LHX5: variants seen among roughly 807,000 people sequenced by gnomAD.
LHX5 encodes LIM homeobox 5.
In LHX5, 5 loss-of-function variants were observed where a neutral mutation model predicts 30.6. The ratio of observed to expected loss-of-function variants is 0.16; its 90% CI spans 0.09 to 0.34. The LOEUF (loss-of-function observed/expected upper bound fraction) is 0.34, where lower values mean the gene tolerates loss of function less well. Among genes scored for constraint, LHX5 ranks in the 10% least tolerant of loss-of-function variants. The probability of loss-of-function intolerance (pLI) is 1.00; values close to 1 mark genes in which losing one functional copy is unlikely to be tolerated. For missense variants in LHX5, 458 were observed against 570.6 expected, an observed-to-expected ratio of 0.80 and a Z score of 2.01; for synonymous variants, 266 against 252.6, an observed-to-expected ratio of 1.05 and a Z score of -0.50.
Position 113,471,548 on chromosome 12 carries a change from TGGCCCTCGGGCCTGCCG to T in LHX5, c.-67_-51del. 6.6e-7 allele frequency: 1 copy of T among 1,516,140 alleles called. No individual in the cohort carries two copies. Among genetic ancestry groups the T allele is most frequent in the East Asian group, 2.4e-5 (1 of 40,946 alleles). The allele number at this position is 1,516,140 out of a possible 1,614,324, so 93.9% of individuals were successfully genotyped here. A position where few individuals can be genotyped will look rare whatever the true frequency, so the allele number is the denominator to read the frequency against. ...CCGCCTTGCCCTCCCTTTGGGCCCC[TGGCCCTCGGGCCTGCCG>T]GGCCCTCCGCTGCCCTTCGCCTCTT... On this transcript the variant is annotated 5_prime_UTR_variant, in exon 1 of 5. Coordinates refer to ENST00000261731, the MANE Select transcript of LHX5 (RefSeq NM_022363.3).
Position 113,463,411 on chromosome 12 carries a change from G to T in LHX5, c.988C>A (p.Leu330Ile). Reference sequence around the variant, plus strand: ...TTGTCCGCGGCGTGCGGGCCGGCGAGCGGCGGTTCCAGCGCTCCCAGCGGC... The same window carrying T: ...TTGTCCGCGGCGTGCGGGCCGGCGATCGGCGGTTCCAGCGCTCCCAGCGGC... ...STPLGALEPP[L>I]AGPHAADNPR... The change falls in exon 5 of 5, where the codon CTC becomes ATC. Residue 330 changes from leucine to isoleucine, a missense_variant. Physicochemically the swap from Leu to Ile is conservative, Grantham distance 5. This residue lies in a region of LHX5 where 255 missense variants were observed against 246.8 expected (regional missense o/e 1.03). Coordinates refer to ENST00000261731, the MANE Select transcript of LHX5 (RefSeq NM_022363.3). This position sits in a 1 kb window ranked among gnomAD's most constrained non-coding sequence, Gnocchi z 6.7. The T allele has an allele frequency of 6.4e-7, 1 of 1,553,964 alleles. No homozygotes were observed. Among genetic ancestry groups the T allele is most frequent in the South Asian group, 1.2e-5 (1 of 84,936 alleles).
In LHX5 at chr12:113,464,944, C is replaced by T. The variant is rs1958203497; in HGVS notation, c.842-1387G>A. 1.3e-5 allele frequency among the ~76,000 whole-genome samples: 2 copies of T among 152,158 alleles called. No homozygotes were observed. On this transcript the variant is annotated intron_variant, in intron 4 of 4. Coordinates refer to ENST00000261731, the MANE Select transcript of LHX5 (RefSeq NM_022363.3). The surrounding 1 kb of genome is among the most constrained non-coding windows in gnomAD (Gnocchi z 6.2). ...ACCAGGTGGGGCCCTGAAGGACTGA[C>T]GTGGGGGACGTCACGAAAGGACCAC...
Position 113,469,122 on chromosome 12 carries a change from C to A in LHX5, c.397G>T (p.Val133Leu), listed in dbSNP as rs753619070. The change falls in exon 2 of 5, where the codon GTG becomes TTG. Residue 133 changes from valine to leucine, a missense_variant and splice_region_variant. Physicochemically the swap from Val to Leu is conservative, Grantham distance 32 (BLOSUM62 1). Transcript: ENST00000261731. ...SSLKEGSLNS[V>L]SSCTDRSLSP... ...CTAGTGAGGGGCCCAGGCTTCCTAC[C>A]TGAGTTGAGGCTGCCCTCCTTGAGG... 2 of 1,611,058 alleles carry A rather than the reference C, an allele frequency of 1.2e-6. No individual in the cohort carries two copies. Among genetic ancestry groups the A allele is most frequent in the Non-Finnish European group, 1.7e-6 (2 of 1,178,484 alleles).
chr12:113,463,794 T>C lies in LHX5; in HGVS notation c.842-237A>G, dbSNP rs546350312. Among the ~76,000 whole-genome samples the C allele has an allele frequency of 2.6e-5, 4 of 152,142 alleles. No homozygotes were observed. Among genetic ancestry groups the C allele is most frequent in the African/African-American group, 9.6e-5 (4 of 41,496 alleles). ...TCTCGAAAGGGCAAGAGACTCAGAC[T>C]GCCAGAGACCACACACAGAGACGGG... On this transcript the variant is annotated intron_variant, in intron 4 of 4. Transcript: ENST00000261731. The surrounding 1 kb of genome is among the most constrained non-coding windows in gnomAD (Gnocchi z 6.7).
At position 113,463,149 on chromosome 12, in the gene LHX5, G is replaced by C. The variant is rs1221644204; in HGVS notation, c.*41C>G. Reference sequence around the variant, plus strand: ...TGGTTTCAGGAGGCTGCTTCGGGGCGGGGCCCCCGGGGGCCGAGCGCGGGG... The same window carrying C: ...TGGTTTCAGGAGGCTGCTTCGGGGCCGGGCCCCCGGGGGCCGAGCGCGGGG... On this transcript the variant is annotated 3_prime_UTR_variant, in exon 5 of 5. Coordinates refer to ENST00000261731, the MANE Select transcript of LHX5 (RefSeq NM_022363.3). This position sits in a 1 kb window ranked among gnomAD's most constrained non-coding sequence, Gnocchi z 6.7. 2.1e-6 allele frequency: 3 copies of C among 1,445,486 alleles called. No individual in the cohort carries two copies. The highest frequency in any genetic ancestry group is 2.7e-6 in the Non-Finnish European group (3 of 1,107,134). The allele number at this position is 1,445,486 out of a possible 1,614,324, so 89.5% of individuals were successfully genotyped here.
At chr12:113,470,043 G>A (rs1293300073) in intron 1 of LHX5, among the ~76,000 whole-genome samples, 2 of 152,258 alleles carry the variant, frequency 1.3e-5, no homozygotes, top group Non-Finnish European at 2.9e-5. Flanking sequence ...GCAGGCAGCA[G>A]GGGAATGTGA....
rs1313530494 is a variant in LHX5, at chr12:113,467,197, C to A, written c.841+59G>T. 2.9e-6 allele frequency: 4 copies of A among 1,377,402 alleles called. No individual in the cohort carries two copies. Among genetic ancestry groups the A allele is most frequent in the East Asian group, 5.5e-5 (2 of 36,412 alleles). 85.3% of individuals were successfully genotyped at this position (1,377,402 alleles called of 1,614,324 possible). A position where few individuals can be genotyped will look rare whatever the true frequency, so the allele number is the denominator to read the frequency against. On this transcript the variant is annotated intron_variant, in intron 4 of 4. Transcript: ENST00000261731. This position sits in a 1 kb window ranked among gnomAD's most constrained non-coding sequence, Gnocchi z 6.3. ...GGAAAGCGTGCTGGCCGGGACCCTT[C>A]GCCCTCAGCTCCCGGAATAGGACAG...
rs1293034417 is a variant in LHX5, at chr12:113,467,226, C to A, written c.841+30G>T. The A allele has an allele frequency of 7.1e-7, 1 of 1,411,280 alleles. No homozygotes were observed. The highest frequency in any genetic ancestry group is 9.3e-7 in the Non-Finnish European group (1 of 1,071,016). The allele number at this position is 1,411,280 out of a possible 1,614,324, so 87.4% of individuals were successfully genotyped here. A position where few individuals can be genotyped will look rare whatever the true frequency, so the allele number is the denominator to read the frequency against. Reference sequence around the variant, plus strand: ...CTCAGCTCCCGGAATAGGACAGGTGCGGAACAGCGAATCCCGGGGCGCCCC... The same window carrying A: ...CTCAGCTCCCGGAATAGGACAGGTGAGGAACAGCGAATCCCGGGGCGCCCC... On this transcript the variant is annotated intron_variant, in intron 4 of 4. Transcript: ENST00000261731. The surrounding 1 kb of genome is among the most constrained non-coding windows in gnomAD (Gnocchi z 6.3).
At position 113,463,568 on chromosome 12, in the gene LHX5, G is replaced by C; in HGVS notation, c.842-11C>G. 2 of 1,510,102 alleles carry C rather than the reference G, an allele frequency of 1.3e-6. No homozygotes were observed. The highest frequency in any genetic ancestry group is 1.7e-4 in the Middle Eastern group (1 of 5,722). 93.5% of individuals were successfully genotyped at this position (1,510,102 alleles called of 1,614,324 possible). ...AGTCGCCTTGGTAGTCTGCGGAGGG[G>C]GAGCGGGAAGGAGACAGGGCGCGGT... On this transcript the variant is annotated splice_polypyrimidine_tract_variant and intron_variant, in intron 4 of 4. Transcript: ENST00000261731. This position sits in a 1 kb window ranked among gnomAD's most constrained non-coding sequence, Gnocchi z 6.7.
In LHX5 at chr12:113,465,305, C is replaced by T. The variant is rs539276997; in HGVS notation, c.842-1748G>A. 1.4e-4 allele frequency among the ~76,000 whole-genome samples: 21 copies of T among 152,350 alleles called. No homozygotes were observed. The highest frequency in any genetic ancestry group is 4.8e-4 in the African/African-American group (20 of 41,596). ...GACAGGGATGGGAGACGGCCGCGGC[C>T]CGCGGCGAGCCGGAAAACCAGCGAA... On this transcript the variant is annotated intron_variant, in intron 4 of 4. Transcript: ENST00000261731. The surrounding 1 kb of genome is among the most constrained non-coding windows in gnomAD (Gnocchi z 6.7).
In LHX5 at chr12:113,465,918, G is replaced by A. The variant is rs911790006; in HGVS notation, c.841+1338C>T. Among the ~76,000 whole-genome samples, 1 of 152,152 alleles carries A rather than the reference G, an allele frequency of 6.6e-6. No homozygotes were observed. The highest frequency in any genetic ancestry group is 1.5e-5 in the Non-Finnish European group (1 of 68,012). On this transcript the variant is annotated intron_variant, in intron 4 of 4. Coordinates refer to ENST00000261731, the MANE Select transcript of LHX5 (RefSeq NM_022363.3). The surrounding 1 kb of genome is among the most constrained non-coding windows in gnomAD (Gnocchi z 6.7). ...CTGTCCAGGGTTGGGCGGCTGGGGC[G>A]CTCCAGCCTGAGCCCTGCCACTGCC...
rs535072092 is a variant in LHX5 at position 113,470,985 on chromosome 12, C to A, written c.173+341G>T. Reference sequence around the variant, plus strand: ...TCATGCAAAAATCCTTCCTCTCTCTCGGGACGGGGCTTGAAGCTTCTGTCT... The same window carrying A: ...TCATGCAAAAATCCTTCCTCTCTCTAGGGACGGGGCTTGAAGCTTCTGTCT... On this transcript the variant is annotated intron_variant, in intron 1 of 4. Coordinates refer to ENST00000261731, the MANE Select transcript of LHX5 (RefSeq NM_022363.3). Among the ~76,000 whole-genome samples, 4 of 152,284 alleles carry A rather than the reference C, an allele frequency of 2.6e-5. No individual in the cohort carries two copies. In the East Asian group the frequency reaches 7.7e-4, roughly 29 times the overall value.
Position 113,469,156 on chromosome 12 carries a change from G to A in LHX5, c.363C>T (p.Ser121=). The A allele has an allele frequency of 6.2e-7, 1 of 1,614,082 alleles. No homozygotes were observed. Among genetic ancestry groups the A allele is most frequent in the East Asian group, 2.2e-5 (1 of 44,874 alleles). ...NKFVCKDDYL[S]SSSLKEGSLN... Reference sequence around the variant, plus strand: ...GGCTGCCCTCCTTGAGGCTGGATGAGCTCAGGTAGTCGTCTTTGCACACGA... The same window carrying A: ...GGCTGCCCTCCTTGAGGCTGGATGAACTCAGGTAGTCGTCTTTGCACACGA... The change falls in exon 2 of 5, where the codon AGC becomes AGT. Residue 121 remains serine (S), a synonymous_variant. Coordinates refer to ENST00000261731, the MANE Select transcript of LHX5 (RefSeq NM_022363.3).
At chr12:113,468,011 C>T (rs1565887295) in intron 3 of LHX5, 116 bp downstream of exon 3, 1 of 1,370,452 alleles carries the variant, frequency 7.3e-7, no homozygotes, top group Non-Finnish European at 9.6e-7. Flanking sequence ...GCACGGTCTG[C>T]TCCCAGACCA....
At chr12:113,471,191 A>C in intron 1 of LHX5, 135 bp downstream of exon 1, 1 of 907,294 alleles carries the variant, frequency 1.1e-6, no homozygotes. Flanking sequence ...GAGGAGAGCA[A>C]AGTGCTGCCC....
rs1262819084 is a variant in LHX5, at chr12:113,464,194, GC to G, written c.842-638del. ...GCGGCAGCGAGGGAGTCAGGAGTGA[GC>G]CCGAAGATGGAGAGAAGTCGATGCG... On this transcript the variant is annotated intron_variant, in intron 4 of 4. Transcript: ENST00000261731. This position sits in a 1 kb window ranked among gnomAD's most constrained non-coding sequence, Gnocchi z 6.2. 1.3e-5 allele frequency among the ~76,000 whole-genome samples: 2 copies of G among 152,220 alleles called. No individual in the cohort carries two copies. The highest frequency in any genetic ancestry group is 3.8e-4 in the East Asian group (2 of 5,196).
chr12:113,469,434 G>A, intron 1 of LHX5, 89 bp from the exon 2 acceptor site: 13 of 1,193,286 alleles, frequency 1.1e-5, no homozygotes, highest in Non-Finnish European at 1.5e-5. Flanking sequence ...CCTGGCTTCG[G>A]TGAAGTCCCC....
rs1958198475 is a variant in LHX5 at position 113,464,313 on chromosome 12, G to C, written c.842-756C>G. Reference sequence around the variant, plus strand: ...GGCCCGGGGAGAGGAACCGGGCAGGGACAAACCAGCGGACAGAGCAGAGCG... The same window carrying C: ...GGCCCGGGGAGAGGAACCGGGCAGGCACAAACCAGCGGACAGAGCAGAGCG... On this transcript the variant is annotated intron_variant, in intron 4 of 4. Transcript: ENST00000261731. This position sits in a 1 kb window ranked among gnomAD's most constrained non-coding sequence, Gnocchi z 6.2. Among the ~76,000 whole-genome samples, 1 of 152,182 alleles carries C rather than the reference G, an allele frequency of 6.6e-6. No individual in the cohort carries two copies. Among genetic ancestry groups the C allele is most frequent in the Non-Finnish European group, 1.5e-5 (1 of 68,026 alleles).
At position 113,465,680 on chromosome 12, in the gene LHX5, G is replaced by C. The variant is rs1244282058; in HGVS notation, c.841+1576C>G. Among the ~76,000 whole-genome samples, 1 of 152,214 alleles carries C rather than the reference G, an allele frequency of 6.6e-6. No individual in the cohort carries two copies. Among genetic ancestry groups the C allele is most frequent in the African/African-American group, 2.4e-5 (1 of 41,462 alleles). On this transcript the variant is annotated intron_variant, in intron 4 of 4. Transcript: ENST00000261731. The surrounding 1 kb of genome is among the most constrained non-coding windows in gnomAD (Gnocchi z 6.7). ...TCGGGGCGGGGGCGAAGTGGTCCTC[G>C]GGGAAACCTTGGTTAATTATCCAGG... is the stretch of plus-strand genomic sequence containing the variant.
Sources: gnomAD v4.1 joint callset for allele counts (sites outside exome capture counted in the v4.1 genomes callset) on GRCh38, gnomAD v4.1.1 for gene constraint, gnomAD v4.1.1 regional missense constraint, Gnocchi (gnomAD v3.1) non-coding constraint, MANE v1.5 for transcripts, NCBI Gene and HGNC (gene_info 2026-07-23, HGNC 2026-07-21) for gene names.